Variants in EYS observed in about 807,000 individuals in gnomAD.
The protein encoded by EYS is protein eyes shut homolog.
In EYS, 250 loss-of-function variants were observed where a neutral mutation model predicts 282.1. The ratio of observed to expected loss-of-function variants is 0.89; its 90% CI spans 0.80 to 0.98. EYS has a LOEUF of 0.98. Among genes scored for constraint, EYS ranks in the 50% least tolerant of loss-of-function variants. The pLI is 0.00. For missense variants in EYS, 4,016 were observed against 3,709.0 expected (o/e 1.08, Z -2.15); for synonymous variants, 1,355 against 1,282.9 (o/e 1.06, Z -1.20).
chr6:63,846,936 A>AT lies in EYS; in HGVS notation c.7228+17249dup, dbSNP rs555834731. 1.8e-4 allele frequency among the ~76,000 whole-genome samples: 27 copies of AT among 152,120 alleles called. No homozygotes were observed. In the East Asian group the frequency reaches 4.2e-3, roughly 24 times the overall value. On this transcript the variant is annotated intron_variant, in intron 36 of 42. Transcript: ENST00000503581. Reference sequence around the variant, plus strand: ...TTTAAAAATTTAAATTCTAAAATTTATTTTTTTTAATTCTAGAAATAAATG... The same window carrying AT: ...TTTAAAAATTTAAATTCTAAAATTTATTTTTTTTTAATTCTAGAAATAAATG...
At chr6:65,293,723 A>G (rs1342354914) in intron 12 of EYS, among the ~76,000 whole-genome samples, 2 of 151,846 alleles carry the variant, frequency 1.3e-5, no homozygotes, top group African/African-American at 4.8e-5. Flanking sequence ...AGAAACTCCT[A>G]ACGTGGGGCC....
chr6:63,834,645 G>A (rs539661465), intron 36 of EYS, among the ~76,000 whole-genome samples: 15 of 149,544 alleles, frequency 1.0e-4, no homozygotes, highest in South Asian at 6.3e-4. Flanking sequence ...ACACTGTGGC[G>A]ATTCCTCAAG....
chr6:64,150,243 C>T (rs568763742), intron 31 of EYS, among the ~76,000 whole-genome samples: 1 of 152,266 alleles, frequency 6.6e-6, no homozygotes, highest in African/African-American at 2.4e-5. Flanking sequence ...TTGAGAAGTC[C>T]TTGTAAAGGG....
chr6:63,786,277 A>G (rs373644456), intron 39 of EYS: 2 of 152,002 alleles, frequency 1.3e-5, no homozygotes, highest in African/African-American at 2.4e-5. Context: ...CCTAGATCAG[A>G]TAATATTTTA....
intron 37 of EYS, among the ~76,000 whole-genome samples, chr6:63,796,254 C>A (rs770486026): frequency 6.6e-6 from 1 of 152,148 alleles, no homozygotes; most frequent in Non-Finnish European, 1.5e-5. Flanking sequence ...AACTACTTGT[C>A]TGGAAGTGGC....
intron 19 of EYS, among the ~76,000 whole-genome samples, chr6:64,832,867 A>G (rs1452844226): frequency 6.6e-6 from 1 of 151,958 alleles, no homozygotes; most frequent in Non-Finnish European, 1.5e-5. Flanking sequence ...AAATGTGTCT[A>G]CACAAAGTTA....
chr6:64,556,534 T>C lies in EYS; in HGVS notation c.5644+33689A>G, dbSNP rs144698335. 2.7e-3 allele frequency among the ~76,000 whole-genome samples: 408 copies of C among 152,142 alleles called. 2 individuals carry two copies. The highest frequency in any genetic ancestry group is 9.2e-3 in the African/African-American group (382 of 41,552). On this transcript the variant is annotated intron_variant, in intron 26 of 42. Coordinates refer to ENST00000503581, the MANE Select transcript of EYS (RefSeq NM_001142800.2). ...AGGGAACTTTTTCAGAAAATGGACA[T>C]ATTCTATATTTTGATTATATGTAAA...
intron 2 of EYS, among the ~76,000 whole-genome samples, chr6:65,503,990 T>C (rs1179963512): frequency 1.3e-5 from 2 of 151,706 alleles, no homozygotes; most frequent in Non-Finnish European, 3.0e-5. Flanking sequence ...TTTGGCAAAA[T>C]AGCTTGATGT....
chr6:65,122,816 GA>G (rs1775600933), intron 12 of EYS, among the ~76,000 whole-genome samples: 1 of 151,976 alleles, frequency 6.6e-6, no homozygotes. Flanking sequence ...GAAATAAAAT[GA>G]AAATAATACC....
At chr6:65,691,385 G>C (rs771008574) in intron 1 of EYS, among the ~76,000 whole-genome samples, 1 of 150,246 alleles carries the variant, frequency 6.7e-6, no homozygotes, top group African/African-American at 2.4e-5. Context: ...ATCTTCTTTT[G>C]AGAAGTGTCT....
At chr6:65,620,708 C>T (rs572829213) in intron 2 of EYS, among the ~76,000 whole-genome samples, 5 of 151,118 alleles carry the variant, frequency 3.3e-5, no homozygotes, top group African/African-American at 1.2e-4. Context: ...AAATTTCCCT[C>T]TACACACTGC....
intron 31 of EYS, among the ~76,000 whole-genome samples, chr6:64,194,330 C>T (rs1765214043): frequency 6.6e-6 from 1 of 152,088 alleles, no homozygotes; most frequent in Admixed American, 6.6e-5. Context: ...TCTACCTTCT[C>T]AAGTGGAATG....
At chr6:64,583,866 A>G (rs1031607483) in intron 26 of EYS, among the ~76,000 whole-genome samples, 14 of 152,138 alleles carry the variant, frequency 9.2e-5, no homozygotes, top group African/African-American at 2.9e-4. Context: ...AATACTGTAG[A>G]AATGTGATTA....
At chr6:63,952,779 G>A (rs1398283729) in intron 35 of EYS, among the ~76,000 whole-genome samples, 1 of 152,038 alleles carries the variant, frequency 6.6e-6, no homozygotes, top group African/African-American at 2.4e-5. Context: ...CCACAAGTAT[G>A]GGACACCTCT....
chr6:64,392,310 C>A (rs915267624), intron 28 of EYS, among the ~76,000 whole-genome samples: 1 of 149,350 alleles, frequency 6.7e-6, no homozygotes, highest in South Asian at 2.1e-4. Flanking sequence ...CACCCCAAAT[C>A]AACAGAATAT....
At chr6:64,433,962 T>A (rs1257187745) in intron 28 of EYS, among the ~76,000 whole-genome samples, 1 of 151,992 alleles carries the variant, frequency 6.6e-6, no homozygotes, top group East Asian at 1.9e-4. Flanking sequence ...ATGACTGCTA[T>A]GGGTTGAATT....
intron 26 of EYS, among the ~76,000 whole-genome samples, chr6:64,441,986 G>T (rs565265190): frequency 2.6e-5 from 4 of 152,298 alleles, no homozygotes; most frequent in African/African-American, 9.6e-5. Flanking sequence ...ATGTGGAATT[G>T]ACTTTGGAAC....
intron 33 of EYS, among the ~76,000 whole-genome samples, chr6:64,012,641 T>A (rs772526320): frequency 1.3e-5 from 2 of 152,206 alleles, no homozygotes; most frequent in East Asian, 1.9e-4. Flanking sequence ...ACTTATCCAG[T>A]GTGATTGTCA....
chr6:63,784,868 GC>G (rs1770324757), intron 39 of EYS, among the ~76,000 whole-genome samples: 1 of 152,174 alleles, frequency 6.6e-6, no homozygotes, highest in Non-Finnish European at 1.5e-5. Context: ...TAATTCATTA[GC>G]ATGGCAATAG....
Sources: allele counts gnomAD v4.1 joint callset (sites outside exome capture counted in the v4.1 genomes callset), GRCh38; gene constraint gnomAD v4.1.1; transcripts MANE v1.5; gene names NCBI Gene and HGNC (gene_info 2026-07-23, HGNC 2026-07-21).